Variants in CNOT1 observed in about 807,000 individuals in gnomAD.
CNOT1 encodes the protein CCR4-NOT transcription complex subunit 1.
A neutral mutation model predicts 273.8 loss-of-function variants in CNOT1; 15 were observed. The ratio of observed to expected loss-of-function variants is 0.05; its 90% CI spans 0.04 to 0.08. The LOEUF (loss-of-function observed/expected upper bound fraction) is 0.08. Among genes scored for constraint, CNOT1 ranks in the 10% least tolerant of loss-of-function variants. The pLI is 1.00. For synonymous variants in CNOT1, 1,022 were observed against 1,005.5 expected (o/e 1.02, Z -0.31); for missense variants, 1,644 against 2,912.2 (o/e 0.56, Z 10.02).
rs905750225 is a variant in CNOT1, at chr16:58,547,353, C to G, written c.3640-57G>C. The G allele has an allele frequency of 3.6e-5, 57 of 1,593,392 alleles. No individual in the cohort carries two copies. The highest frequency in any genetic ancestry group is 4.4e-5 in the Non-Finnish European group (52 of 1,169,876). ...GAATATACCCCCCAAAATGGTATAA[C>G]AAAACCAAAGAAAAGTATTTTGCCA... On this transcript the variant is annotated intron_variant, in intron 26 of 48. Coordinates refer to ENST00000317147, the MANE Select transcript of CNOT1 (RefSeq NM_016284.5). This position sits in a 1 kb window ranked among gnomAD's most constrained non-coding sequence, Gnocchi z 4.0.
intron 1 of CNOT1, among the ~76,000 whole-genome samples, chr16:58,628,964 T>C (rs968221947): frequency 6.6e-6 from 1 of 152,256 alleles, no homozygotes; most frequent in Admixed American, 6.5e-5. Flanking sequence ...CCTTGAGGCC[T>C]ACAAGTGCTC....
chr16:58,621,423 G>T (rs143699470), intron 1 of CNOT1, among the ~76,000 whole-genome samples: 9 of 151,768 alleles, frequency 5.9e-5, no homozygotes, highest in African/African-American at 2.2e-4. Flanking sequence ...ACAGGCACGC[G>T]CCACCACGCC....
chr16:58,593,149 G>A (rs906069165), intron 2 of CNOT1, among the ~76,000 whole-genome samples: 1 of 152,168 alleles, frequency 6.6e-6, no homozygotes, highest in South Asian at 2.1e-4. Flanking sequence ...TCGGCCAGGC[G>A]CGGTGGCTGA....
At position 58,555,901 on chromosome 16, in the gene CNOT1, C is replaced by G; in HGVS notation, c.2487G>C (p.Leu829Phe). ...FQQSKMKPSD[L>F]SQVWPEANQH... ...GGTTTGCCTCTGGCCACACCTGAGACAAGTCCGCTGTTGGAAACAAAAAAG... is the reference window on the plus strand; with the variant it reads ...GGTTTGCCTCTGGCCACACCTGAGAGAAGTCCGCTGTTGGAAACAAAAAAG... Residue 829 changes from leucine to phenylalanine, a missense_variant, in exon 20 of 49, where the codon TTG becomes TTC. Leu to Phe is a conservative substitution (Grantham distance 22, BLOSUM62 0). Around this residue, in one of 13 missense-constraint regions of CNOT1, gnomAD observed 706 missense variants for 1,021.2 expected, o/e 0.69. Coordinates refer to ENST00000317147, the MANE Select transcript of CNOT1 (RefSeq NM_016284.5). 1 of 1,612,492 alleles carries G rather than the reference C, an allele frequency of 6.2e-7. No individual in the cohort carries two copies. The highest frequency in any genetic ancestry group is 8.5e-7 in the Non-Finnish European group (1 of 1,179,972).
At position 58,532,218 on chromosome 16, in the gene CNOT1, A is replaced by G; in HGVS notation, c.6059+14T>C. On this transcript the variant is annotated intron_variant, in intron 41 of 48. Transcript: ENST00000317147. The stretch of plus-strand genomic sequence containing the variant: ...CAGCAAACCTTAACACAAAATCGCA[A>G]ACACAATACTCACCAGAAAGCTGTA... The G allele has an allele frequency of 6.2e-7, 1 of 1,609,744 alleles. No homozygotes were observed. Among genetic ancestry groups the G allele is most frequent in the Non-Finnish European group, 8.5e-7 (1 of 1,176,654 alleles).
Position 58,599,425 on chromosome 16 carries a change from T to G in CNOT1, c.-88A>C. On this transcript the variant is annotated 5_prime_UTR_variant, in exon 2 of 49. Coordinates refer to ENST00000317147, the MANE Select transcript of CNOT1 (RefSeq NM_016284.5). ...TCACCTCAGAGGCAGGTTAATGCTT[T>G]CTTTGTAATTAGGCTATATCTGGTA... 7 of 1,519,684 alleles carry G rather than the reference T, an allele frequency of 4.6e-6. No individual in the cohort carries two copies. Among genetic ancestry groups the G allele is most frequent in the South Asian group, 1.1e-5 (1 of 87,684 alleles). The allele number at this position is 1,519,684 out of a possible 1,614,324, so 94.1% of individuals were successfully genotyped here. A position where few individuals can be genotyped will look rare whatever the true frequency, so the allele number is the denominator to read the frequency against.
intron 16 of CNOT1, among the ~76,000 whole-genome samples, 178 bp from the exon 17 acceptor site, chr16:58,560,540 C>A (rs1448401896): frequency 6.6e-6 from 1 of 151,828 alleles, no homozygotes; most frequent in Non-Finnish European, 1.5e-5. Context: ...TCAAGCGATT[C>A]TTCTGCCTCA....
At chr16:58,628,528 A>T (rs1483205032) in intron 1 of CNOT1, among the ~76,000 whole-genome samples, 1 of 151,906 alleles carries the variant, frequency 6.6e-6, no homozygotes, top group Non-Finnish European at 1.5e-5. Flanking sequence ...ATTCCTATCA[A>T]AGGGGCTGTC....
At chr16:58,604,698 G>A (rs1418736707) in intron 1 of CNOT1, among the ~76,000 whole-genome samples, 1 of 150,774 alleles carries the variant, frequency 6.6e-6, no homozygotes, top group African/African-American at 2.4e-5. Context: ...TTGGGAGGCT[G>A]AGGCAGAATA....
At chr16:58,572,769 G>A (rs932150521) in intron 16 of CNOT1, among the ~76,000 whole-genome samples, 1 of 151,570 alleles carries the variant, frequency 6.6e-6, no homozygotes, top group African/African-American at 2.4e-5. Flanking sequence ...TTAGTTGGGA[G>A]GGGTGGCATG....
Position 58,583,907 on chromosome 16 carries a change from G to A in CNOT1, c.807-725C>T, listed in dbSNP as rs553108890. On this transcript the variant is annotated intron_variant, in intron 8 of 48. Transcript: ENST00000317147. ...GTAAGAGCCGGGTGTGGTGGCTCAC[G>A]CCTGTAATCCCAGCACTTTGGGAGT... Among the ~76,000 whole-genome samples the A allele has an allele frequency of 3.7e-3, 554 of 151,776 alleles. 3 individuals are homozygous for A. The highest frequency in any genetic ancestry group is 0.012 in the African/African-American group (508 of 41,474).
chr16:58,553,153 T>C (rs771766360), intron 22 of CNOT1, among the ~76,000 whole-genome samples: 9 of 151,928 alleles, frequency 5.9e-5, no homozygotes, highest in Non-Finnish European at 1.2e-4. Flanking sequence ...GTGCCTGTAA[T>C]CGCAGCTACT....
Position 58,598,870 on chromosome 16 carries a change from C to T in CNOT1, c.102+366G>A, listed in dbSNP as rs558131134. ...GTTGGGAGTTTTAGACCAGACTGAC[C>T]AACATGGTGAAACCCCGTCTCTACT... On this transcript the variant is annotated intron_variant, in intron 2 of 48. Transcript: ENST00000317147. The T allele has an allele frequency of 2.5e-5, 5 of 201,010 alleles. No individual in the cohort carries two copies. In the South Asian group the frequency reaches 4.5e-4, roughly 18 times the overall value. 12.5% of individuals were successfully genotyped at this position (201,010 alleles called of 1,614,324 possible).
chr16:58,600,437 G>A, intron 1 of CNOT1, among the ~76,000 whole-genome samples: 1 of 152,092 alleles, frequency 6.6e-6, no homozygotes, highest in East Asian at 1.9e-4. Flanking sequence ...TATACCCTTT[G>A]GAAGCAGCAA....
intron 2 of CNOT1, among the ~76,000 whole-genome samples, chr16:58,596,287 C>T (rs1245378526): frequency 2.6e-5 from 4 of 152,018 alleles, no homozygotes; most frequent in African/African-American, 9.7e-5. Flanking sequence ...CCAGGAGGCA[C>T]TCTGCAGTCC....
intron 16 of CNOT1, among the ~76,000 whole-genome samples, chr16:58,572,968 A>G (rs2151961665): frequency 6.6e-6 from 1 of 151,820 alleles, no homozygotes; most frequent in South Asian, 2.1e-4. Flanking sequence ...AAATTTAACA[A>G]AATCAGTACA....
chr16:58,534,499 CTGTCA>C, intron 39 of CNOT1, 104 bp from the exon 40 acceptor site: 1 of 1,245,890 alleles, frequency 8.0e-7, no homozygotes, highest in Non-Finnish European at 1.1e-6. Context: ...TTTGTTCCTA[CTGTCA>C]TATTTCTAAT....
chr16:58,622,474 GA>G (rs1022593481), intron 1 of CNOT1, among the ~76,000 whole-genome samples: 1 of 150,478 alleles, frequency 6.6e-6, no homozygotes, highest in Non-Finnish European at 1.5e-5. Context: ...AATCAATTAA[GA>G]AAAAAACGCA....
intron 39 of CNOT1, among the ~76,000 whole-genome samples, chr16:58,535,016 T>C (rs1416165667): frequency 6.6e-6 from 1 of 152,030 alleles, no homozygotes; most frequent in East Asian, 1.9e-4. Flanking sequence ...AAAGGAAAAA[T>C]TAGAAACTAT....
Sources: allele counts gnomAD v4.1 joint callset (sites outside exome capture counted in the v4.1 genomes callset), GRCh38; gene constraint gnomAD v4.1.1; regional missense constraint gnomAD v4.1.1; non-coding constraint Gnocchi (gnomAD v3.1); transcripts MANE v1.5; gene names NCBI Gene and HGNC (gene_info 2026-07-23, HGNC 2026-07-21).